LINGO2: variants seen among roughly 807,000 people sequenced by gnomAD.
LINGO2 encodes leucine-rich repeat and immunoglobulin-like domain-containing nogo receptor-interacting protein 2.
Under a neutral mutation model 30.6 loss-of-function variants are expected in LINGO2, and 14 were observed. That is an observed-to-expected ratio of 0.46 (90% confidence interval 0.30 to 0.72). The LOEUF is 0.72. Among genes scored for constraint, LINGO2 ranks in the 30% least tolerant of loss-of-function variants. The probability of loss-of-function intolerance (pLI) is 0.07; values close to 1 mark genes in which losing one functional copy is unlikely to be tolerated. For missense variants in LINGO2, 729 were observed against 751.7 expected (o/e 0.97, Z 0.35); for synonymous variants, 317 against 288.5 (o/e 1.10, Z -1.00).
chr9:28,772,822 C>A, the LINGO2 span, among the ~76,000 whole-genome samples: 3 of 152,064 alleles, frequency 2.0e-5, no homozygotes, highest in African/African-American at 7.2e-5. Context: ...TCTGAAGCTC[C>A]AGTAGTTAAG....
chr9:28,997,667 C>T, the LINGO2 span, among the ~76,000 whole-genome samples: 11 of 151,884 alleles, frequency 7.2e-5, no homozygotes, highest in African/African-American at 1.9e-4. Flanking sequence ...CTTAAAAATA[C>T]AACAAATTAG....
At chr9:27,994,326 A>T (rs1821547666) in intron 5 of LINGO2, among the ~76,000 whole-genome samples, 1 of 152,110 alleles carries the variant, frequency 6.6e-6, no homozygotes, top group African/African-American at 2.4e-5. Context: ...ATTGAAACTA[A>T]AAAAAAGGAA....
rs181100701 is a variant in LINGO2 at position 28,006,307 on chromosome 9, A to T, written c.-36+6048T>A. Among the ~76,000 whole-genome samples the T allele has an allele frequency of 5.3e-5, 8 of 152,250 alleles. No individual in the cohort carries two copies. The East Asian group carries it at 1.4e-3, about 26-fold the overall frequency. Reference sequence around the variant, plus strand: ...AGAAAACATGGGCCTTCTGAGGATTAAAAAGAAGAAATCCTTACCTAAGAT... The same window carrying T: ...AGAAAACATGGGCCTTCTGAGGATTTAAAAGAAGAAATCCTTACCTAAGAT... On this transcript the variant is annotated intron_variant, in intron 5 of 5. Transcript: ENST00000379992.
At chr9:28,292,206 G>C (rs1336864064) in intron 4 of LINGO2, among the ~76,000 whole-genome samples, 2 of 152,156 alleles carry the variant, frequency 1.3e-5, no homozygotes, top group Admixed American at 6.5e-5. Context: ...GCCTGCCTGA[G>C]TCCAATTTCT....
At chr9:28,880,656 A>C in the LINGO2 span, among the ~76,000 whole-genome samples, 1 of 152,118 alleles carries the variant, frequency 6.6e-6, no homozygotes, top group Admixed American at 6.6e-5. Context: ...GTCTGTGCTG[A>C]GGGGGACTGG....
the LINGO2 span, among the ~76,000 whole-genome samples, chr9:28,756,549 T>A: frequency 6.6e-6 from 1 of 152,010 alleles, no homozygotes; most frequent in African/African-American, 2.4e-5. Context: ...TGGGGCAGAA[T>A]GATATTGTTT....
chr9:28,626,671 C>T (rs1016436879), intron 1 of LINGO2, among the ~76,000 whole-genome samples: 1 of 151,996 alleles, frequency 6.6e-6, no homozygotes, highest in East Asian at 1.9e-4. Context: ...CATGCCAACA[C>T]CACACTATCT....
At chr9:28,637,446 T>C (rs1290788554) in intron 1 of LINGO2, among the ~76,000 whole-genome samples, 3 of 152,178 alleles carry the variant, frequency 2.0e-5, no homozygotes, top group East Asian at 1.9e-4. Context: ...ATTCTTCCTA[T>C]CCATGAGCAT....
At chr9:28,895,229 C>T in the LINGO2 span, among the ~76,000 whole-genome samples, 2 of 152,058 alleles carry the variant, frequency 1.3e-5, no homozygotes, top group African/African-American at 4.8e-5. Flanking sequence ...GTTTAATAGA[C>T]ATTATTGCAC....
chr9:28,189,194 T>C (rs1819655159), intron 4 of LINGO2, among the ~76,000 whole-genome samples: 1 of 147,834 alleles, frequency 6.8e-6, no homozygotes, highest in Non-Finnish European at 1.5e-5. Flanking sequence ...AGAGCAGTGA[T>C]CTTTTTTTTC....
At chr9:28,209,173 TATCC>T (rs1244450059) in intron 4 of LINGO2, among the ~76,000 whole-genome samples, 1 of 152,072 alleles carries the variant, frequency 6.6e-6, no homozygotes, top group Non-Finnish European at 1.5e-5. Flanking sequence ...TGATCTTATT[TATCC>T]ATTCTCTAAA....
chr9:28,677,223 C>G, the LINGO2 span, among the ~76,000 whole-genome samples: 2 of 152,114 alleles, frequency 1.3e-5, no homozygotes, highest in East Asian at 3.9e-4. Context: ...AGAGTGTGAG[C>G]TACTAAGAAC....
chr9:28,448,247 G>C (rs527937887), intron 2 of LINGO2, among the ~76,000 whole-genome samples: 4 of 152,128 alleles, frequency 2.6e-5, no homozygotes, highest in Non-Finnish European at 5.9e-5. Flanking sequence ...TTTCTGGGTT[G>C]ACAGCAGGTA....
chr9:28,645,365 A>T (rs972812866), intron 1 of LINGO2, among the ~76,000 whole-genome samples: 1 of 152,132 alleles, frequency 6.6e-6, no homozygotes, highest in Non-Finnish European at 1.5e-5. Flanking sequence ...AAATGTTATG[A>T]AGTGCCTTTA....
At chr9:28,906,243 C>G in the LINGO2 span, among the ~76,000 whole-genome samples, 4 of 151,602 alleles carry the variant, frequency 2.6e-5, no homozygotes, top group Non-Finnish European at 4.4e-5. Context: ...AATATGATGA[C>G]TATAGTTAAT....
chr9:28,188,044 C>G (rs970026184), intron 4 of LINGO2, among the ~76,000 whole-genome samples: 5 of 152,136 alleles, frequency 3.3e-5, no homozygotes, highest in African/African-American at 9.7e-5. Context: ...AGAATAGGCT[C>G]GTTAATCCTT....
intron 5 of LINGO2, among the ~76,000 whole-genome samples, chr9:28,007,742 A>G (rs1441343362): frequency 6.6e-6 from 1 of 152,168 alleles, no homozygotes; most frequent in Non-Finnish European, 1.5e-5. Flanking sequence ...TTTTATTTTC[A>G]TAACAATCAT....
At chr9:28,772,219 G>C in the LINGO2 span, among the ~76,000 whole-genome samples, 2 of 152,190 alleles carry the variant, frequency 1.3e-5, no homozygotes, top group Non-Finnish European at 2.9e-5. Context: ...ATTATTATAA[G>C]TAAGTGACCT....
chr9:28,599,515 T>C (rs1016639423), intron 1 of LINGO2, among the ~76,000 whole-genome samples: 1 of 152,156 alleles, frequency 6.6e-6, no homozygotes, highest in African/African-American at 2.4e-5. Context: ...GCTTGGTGTT[T>C]TTCTATGAAT....
Sources: allele counts gnomAD v4.1 joint callset (sites outside exome capture counted in the v4.1 genomes callset), GRCh38; gene constraint gnomAD v4.1.1; transcripts MANE v1.5; gene names NCBI Gene and HGNC (gene_info 2026-07-23, HGNC 2026-07-21).